Variants in SS18L2 observed in about 807,000 individuals in gnomAD.
SS18L2 encodes SS18-like protein 2.
In SS18L2, 8 loss-of-function variants were observed where a neutral mutation model predicts 10.3. The observed-to-expected ratio is 0.78, with a 90% CI of 0.46 to 1.41. The LOEUF is 1.41. Ranked by LOEUF, SS18L2 falls within the 40% of genes most tolerant of loss-of-function variation. The pLI is 0.00. For missense variants in SS18L2, 100 were observed against 96.2 expected (o/e 1.04, Z -0.17); for synonymous variants, 41 against 34.6 (o/e 1.19, Z -0.65).
At chr3:42,591,953 G>A (rs1035384507) in intron 2 of SS18L2, among the ~76,000 whole-genome samples, 2 of 152,104 alleles carry the variant, frequency 1.3e-5, no homozygotes, top group African/African-American at 4.8e-5. Flanking sequence ...TTGGATCCCT[G>A]CCTCATCCTT....
intron 2 of SS18L2, among the ~76,000 whole-genome samples, chr3:42,594,088 T>C (rs1340252240): frequency 6.6e-6 from 1 of 152,200 alleles, no homozygotes; most frequent in African/African-American, 2.4e-5. Context: ...AGGTTTTGAA[T>C]AGACATATAA....
chr3:42,582,469 C>G (rs13085695), intron 1 of SS18L2: 26,359 of 152,358 alleles, frequency 0.17, 2,783 homozygotes, highest in African/African-American at 0.3. Flanking sequence ...AGCTGGGGAC[C>G]GAGGCACCCA....
At chr3:42,591,047 A>G in intron 1 of SS18L2, 81 bp downstream of exon 1, 1 of 1,457,138 alleles carries the variant, frequency 6.9e-7, no homozygotes, top group Non-Finnish European at 9.3e-7. Flanking sequence ...AGCATCCTGT[A>G]GTGAGCGGCC....
chr3:42,586,719 G>A (rs1368172256), upstream of SS18L2, among the ~76,000 whole-genome samples: 1 of 151,962 alleles, frequency 6.6e-6, no homozygotes, highest in East Asian at 1.9e-4. Context: ...TTCTCCTTAG[G>A]CAGTCTTATC....
Position 42,591,533 on chromosome 3 carries a change from G to A in SS18L2, c.78G>A (p.Glu26=), listed in dbSNP as rs1171249984. Residue 26 remains glutamate (E), a synonymous_variant, in exon 2 of 3, where the codon GAG becomes GAA. Coordinates refer to ENST00000011691, the MANE Select transcript of SS18L2 (RefSeq NM_001370300.1). ...VNQETIQRLL[E]ENDQLIRCIV... is the part of the protein sequence containing the mutation. ...TTTCTCTGATCTTTCAGCTCCTTGA[G>A]GAGAATGACCAGCTGATCCGCTGTA... 4 of 1,613,600 alleles carry A rather than the reference G, an allele frequency of 2.5e-6. No individual in the cohort carries two copies. Among genetic ancestry groups the A allele is most frequent in the African/African-American group, 1.3e-5 (1 of 74,888 alleles).
At chr3:42,588,382 G>C (rs1704694403), upstream of SS18L2, among the ~76,000 whole-genome samples, 1 of 152,118 alleles carries the variant, frequency 6.6e-6, no homozygotes, top group Non-Finnish European at 1.5e-5. Context: ...TCCAGCTTGG[G>C]CAACAGAATA....
upstream of SS18L2, among the ~76,000 whole-genome samples, chr3:42,589,194 G>C (rs750670547): frequency 2.6e-5 from 4 of 151,116 alleles, no homozygotes; most frequent in East Asian, 5.9e-4. Flanking sequence ...GCTTGAACCC[G>C]GGAGGCAGAG....
rs1282891797 is a variant in SS18L2, at chr3:42,594,463, C to G, written c.188C>G (p.Thr63Ser). Residue 63 changes from threonine to serine, a missense_variant, in exon 3 of 3, where the codon ACC (threonine) becomes AGC (serine). Coordinates refer to ENST00000011691, the MANE Select transcript of SS18L2 (RefSeq NM_001370300.1). Reference sequence around the variant, plus strand: ...CATAGAAATCTCATTTATTTGGCTACCATTGCAGATGCCAGTCCAACCAGC... The same window carrying G: ...CATAGAAATCTCATTTATTTGGCTAGCATTGCAGATGCCAGTCCAACCAGC... Reference protein sequence around the residue: ...VLHRNLIYLATIADASPTSTS... With the variant: ...VLHRNLIYLASIADASPTSTS... The G allele has an allele frequency of 1.9e-6, 3 of 1,613,802 alleles. No individual in the cohort carries two copies. Among genetic ancestry groups the G allele is most frequent in the African/African-American group, 1.3e-5 (1 of 74,900 alleles).
chr3:42,596,038 T>C lies in SS18L2; in HGVS notation c.*1529T>C, dbSNP rs1705018428. On this transcript the variant is annotated 3_prime_UTR_variant, in exon 3 of 3. Coordinates refer to ENST00000011691, the MANE Select transcript of SS18L2 (RefSeq NM_001370300.1). ...TTTTGTTTTGTTTTGTTTTTGTTTTTGTTTTTTTTTGAGACGGAATCTCGC... is the reference window on the plus strand; with the variant it reads ...TTTTGTTTTGTTTTGTTTTTGTTTTCGTTTTTTTTTGAGACGGAATCTCGC... Among the ~76,000 whole-genome samples, 1 of 151,880 alleles carries C rather than the reference T, an allele frequency of 6.6e-6. No individual in the cohort carries two copies. Among genetic ancestry groups the C allele is most frequent in the Non-Finnish European group, 1.5e-5 (1 of 67,934 alleles).
In SS18L2 at chr3:42,590,978, C is replaced by A; in HGVS notation, c.69+12C>A. 3.0e-6 allele frequency: 1 copy of A among 330,998 alleles called. No individual in the cohort carries two copies. Among genetic ancestry groups the A allele is most frequent in the Non-Finnish European group, 5.7e-6 (1 of 174,224 alleles). 20.5% of individuals were successfully genotyped at this position (330,998 alleles called of 1,614,324 possible). On this transcript the variant is annotated intron_variant, in intron 1 of 2. Transcript: ENST00000011691. Reference sequence around the variant, plus strand: ...AGACTATCCAGCGGGTGAGCATCCACGCGGGCGGGCGGGCGGGCGGAGAGA... The same window carrying A: ...AGACTATCCAGCGGGTGAGCATCCAAGCGGGCGGGCGGGCGGGCGGAGAGA...
upstream of SS18L2, among the ~76,000 whole-genome samples, chr3:42,587,088 T>C (rs969890409): frequency 6.6e-5 from 10 of 152,236 alleles, no homozygotes; most frequent in Non-Finnish European, 1.0e-4. Context: ...GCTCCCACTA[T>C]CTCTGGCCTG....
upstream of SS18L2, chr3:42,590,739 A>T: frequency 1.3e-6 from 1 of 788,336 alleles, no homozygotes; most frequent in Non-Finnish European, 2.2e-6. Flanking sequence ...GCTGGGACCG[A>T]GGAAAGCGCT....
chr3:42,591,593 G>C lies in SS18L2; in HGVS notation c.138G>C (p.Glu46Asp). ...ATCAGAACAAGGGCCGCGGGAACGA[G>C]TGCGTGCAGTAAGTACCCCCACCCC... ...VEYQNKGRGN[E>D]CVQYQHVLHR... The change falls in exon 2 of 3, where the codon GAG becomes GAC. Residue 46 changes from glutamate (E) to aspartate (D), a missense_variant. Coordinates refer to ENST00000011691, the MANE Select transcript of SS18L2 (RefSeq NM_001370300.1). 2 of 1,612,776 alleles carry C rather than the reference G, an allele frequency of 1.2e-6. No individual in the cohort carries two copies. Among genetic ancestry groups the C allele is most frequent in the Non-Finnish European group, 1.7e-6 (2 of 1,178,770 alleles).
At chr3:42,590,673 C>T (rs75553440), upstream of SS18L2, 540 of 603,530 alleles carry the variant, frequency 8.9e-4, 1 homozygote, top group African/African-American at 8.6e-3. Flanking sequence ...CCACAAGTTT[C>T]GCTCTCCAGA....
chr3:42,590,562 G>A (rs2125739417), upstream of SS18L2, among the ~76,000 whole-genome samples: 1 of 152,038 alleles, frequency 6.6e-6, no homozygotes, highest in African/African-American at 2.4e-5. Context: ...CTCCAGCCTG[G>A]GCGACAGAGC....
upstream of SS18L2, among the ~76,000 whole-genome samples, chr3:42,589,709 A>G (rs1489823599): frequency 6.6e-6 from 1 of 152,230 alleles, no homozygotes; most frequent in Non-Finnish European, 1.5e-5. Context: ...TGAGAATCTA[A>G]TGCCTGCTGA....
rs1252437537 is a variant in SS18L2, at chr3:42,590,863, T to G, written c.-35T>G. On this transcript the variant is annotated 5_prime_UTR_variant, in exon 1 of 3. Coordinates refer to ENST00000011691, the MANE Select transcript of SS18L2 (RefSeq NM_001370300.1). ...TAGGCCCCACCTATCGTGGGTCGAG[T>G]TGCTTGGCGGTCGTGGTTCCGGAGG... The G allele has an allele frequency of 6.2e-7, 1 of 1,612,476 alleles. No homozygotes were observed. The highest frequency in any genetic ancestry group is 1.1e-5 in the South Asian group (1 of 91,038).
intron 1 of SS18L2, among the ~76,000 whole-genome samples, chr3:42,585,499 A>G (rs1313633488): frequency 6.6e-6 from 1 of 152,130 alleles, no homozygotes; most frequent in East Asian, 1.9e-4. Context: ...AATTCCTTTC[A>G]TGGTTTCTCT....
upstream of SS18L2, among the ~76,000 whole-genome samples, chr3:42,586,041 G>A (rs1177820453): frequency 1.3e-5 from 2 of 151,910 alleles, no homozygotes; most frequent in African/African-American, 4.8e-5. Context: ...TCTCCTTCCA[G>A]CTACCACCTT....
Sources: gnomAD v4.1 joint callset for allele counts (sites outside exome capture counted in the v4.1 genomes callset) on GRCh38, gnomAD v4.1.1 for gene constraint, MANE v1.5 for transcripts, NCBI Gene and HGNC (gene_info 2026-07-23, HGNC 2026-07-21) for gene names.